PDE9A: variants seen among roughly 807,000 people sequenced by gnomAD.
The protein encoded by PDE9A is high affinity cGMP-specific 3',5'-cyclic phosphodiesterase 9A.
Under a neutral mutation model 87.4 loss-of-function variants are expected in PDE9A, and 60 were observed. The observed-to-expected ratio is 0.69, with a 90% confidence interval of 0.56 to 0.85. The LOEUF is 0.85. PDE9A is among the 40% of genes least tolerant of loss of function. The pLI is 0.00. For missense variants in PDE9A, 665 were observed against 779.0 expected, an observed-to-expected ratio of 0.85 and a Z score of 1.74; for synonymous variants, 272 against 279.4, an observed-to-expected ratio of 0.97 and a Z score of 0.27.
intron 10 of PDE9A, among the ~76,000 whole-genome samples, chr21:42,754,891 A>G (rs2054862880): frequency 6.6e-6 from 1 of 152,140 alleles, no homozygotes; most frequent in Non-Finnish European, 1.5e-5. Flanking sequence ...TTTATAAGTT[A>G]CCCAGTCTCA....
Position 42,675,344 on chromosome 21 carries a change from C to T in PDE9A, c.70-10848C>T, listed in dbSNP as rs992732444. Among the ~76,000 whole-genome samples the T allele has an allele frequency of 1.3e-5, 2 of 152,198 alleles. No homozygotes were observed. Among genetic ancestry groups the T allele is most frequent in the East Asian group, 1.9e-4 (1 of 5,194 alleles). ...CTGCAGTGAATAATCCAGAGGAACA[C>T]GCTCAGTGTGCATCTTTGCTTGCAG... On this transcript the variant is annotated intron_variant, in intron 1 of 19. Transcript: ENST00000291539. This position sits in a 1 kb window ranked among gnomAD's most constrained non-coding sequence, Gnocchi z 4.3.
At chr21:42,684,925 T>A (rs1233502530) in intron 1 of PDE9A, among the ~76,000 whole-genome samples, 1 of 140,812 alleles carries the variant, frequency 7.1e-6, no homozygotes, top group East Asian at 2.1e-4. Context: ...AAAAAAAAAA[T>A]CTGTTTTCTA....
intron 8 of PDE9A, among the ~76,000 whole-genome samples, chr21:42,749,003 C>T (rs538376062): frequency 1.8e-3 from 280 of 152,322 alleles, no homozygotes; most frequent in African/African-American, 5.6e-3. Flanking sequence ...TGCGGAGGCA[C>T]TGTGCTGGTT....
chr21:42,762,180 G>T lies in PDE9A; in HGVS notation c.1183G>T (p.Glu395Ter). The T allele has an allele frequency of 6.2e-7, 1 of 1,614,138 alleles. No homozygotes were observed. The highest frequency in any genetic ancestry group is 8.5e-7 in the Non-Finnish European group (1 of 1,180,018). Residue 395 changes from glutamate to a stop codon, truncating the protein, a stop_gained, in exon 14 of 20, where the codon GAG (glutamate) becomes TAG (stop). Coordinates refer to ENST00000291539, the MANE Select transcript of PDE9A (RefSeq NM_002606.3). LOFTEE classifies it high-confidence loss of function. The part of the protein sequence containing the change: ...HCAVAFQILA[E>*]PECNIFSNIP... ...CGCCGTGGCCTTCCAGATCCTCGCC[G>T]AGCCTGAGTGCAACATCTTCTCCAA...
intron 14 of PDE9A, among the ~76,000 whole-genome samples, chr21:42,763,745 T>G (rs920150824): frequency 1.3e-5 from 2 of 152,218 alleles, no homozygotes; most frequent in African/African-American, 4.8e-5. Context: ...CAAGAAAGAC[T>G]GCCTGGACTT....
intron 4 of PDE9A, among the ~76,000 whole-genome samples, chr21:42,727,269 A>G (rs1459334381): frequency 6.6e-6 from 1 of 152,004 alleles, no homozygotes; most frequent in Non-Finnish European, 1.5e-5. Context: ...CAACTTCTGC[A>G]TATGTTTTGT....
chr21:42,729,903 T>C (rs1393879542), intron 4 of PDE9A, among the ~76,000 whole-genome samples: 1 of 152,198 alleles, frequency 6.6e-6, no homozygotes, highest in East Asian at 1.9e-4. Flanking sequence ...TTGGGTGAGA[T>C]TTCCTGTATA....
intron 4 of PDE9A, among the ~76,000 whole-genome samples, chr21:42,711,450 A>T (rs990957725): frequency 1.3e-5 from 2 of 151,708 alleles, no homozygotes; most frequent in Admixed American, 6.6e-5. Context: ...ATGGGGTTTC[A>T]CCATGTTGGC....
intron 3 of PDE9A, 56 bp downstream of exon 3, chr21:42,688,050 TG>T (rs2059576787): frequency 1.5e-6 from 2 of 1,362,450 alleles, no homozygotes; most frequent in Admixed American, 3.4e-5. Flanking sequence ...CTCCATGACA[TG>T]GGAGGCTTTC....
rs73905735 is a variant in PDE9A at position 42,674,046 on chromosome 21, G to A, written c.70-12146G>A. The stretch of plus-strand genomic sequence containing the variant: ...TTAGAGCAGATGTACATATAGAAAC[G>A]AAGAAACGAAATCTGAATCCATGCT... On this transcript the variant is annotated intron_variant, in intron 1 of 19. Transcript: ENST00000291539. 4.1e-3 allele frequency among the ~76,000 whole-genome samples: 622 copies of A among 152,328 alleles called. 6 individuals carry two copies. Among genetic ancestry groups the A allele is most frequent in the African/African-American group, 0.014 (580 of 41,580 alleles).
chr21:42,678,446 C>A (rs2058973775), intron 1 of PDE9A, among the ~76,000 whole-genome samples: 1 of 152,146 alleles, frequency 6.6e-6, no homozygotes, highest in Non-Finnish European at 1.5e-5. Context: ...AGCCTCAATG[C>A]CCTTCTGAGA....
chr21:42,758,817 A>C, intron 10 of PDE9A, 182 bp from the exon 11 acceptor site: 1 of 567,200 alleles, frequency 1.8e-6, no homozygotes, highest in Non-Finnish European at 3.2e-6. Flanking sequence ...GGCTGGTCTG[A>C]AGACCTCTCT....
At chr21:42,697,936 T>G (rs568985141) in intron 3 of PDE9A, among the ~76,000 whole-genome samples, 96 of 152,356 alleles carry the variant, frequency 6.3e-4, no homozygotes, top group Middle Eastern at 3.4e-3. Context: ...ATGCACAGAC[T>G]GACCCATCCA....
At chr21:42,657,275 G>C (rs1386983823) in intron 1 of PDE9A, among the ~76,000 whole-genome samples, 5 of 152,202 alleles carry the variant, frequency 3.3e-5, no homozygotes, top group Non-Finnish European at 7.4e-5. Flanking sequence ...GGCTTGCCAG[G>C]GTGCACAGAT....
rs562665738 is a variant in PDE9A, at chr21:42,765,972, C to G, written c.1356+478C>G. Among the ~76,000 whole-genome samples the G allele has an allele frequency of 3.8e-3, 586 of 152,284 alleles. 5 individuals are homozygous for G. The highest frequency in any genetic ancestry group is 0.012 in the African/African-American group (489 of 41,562). On this transcript the variant is annotated intron_variant, in intron 15 of 19. Transcript: ENST00000291539. The stretch of plus-strand genomic sequence containing the variant: ...CCAGAGAAGGGGTAGGGGGCCTCCC[C>G]CATGAGAAGGTGCACTTAGGTTGCC...
At chr21:42,720,426 G>A (rs995904016) in intron 4 of PDE9A, among the ~76,000 whole-genome samples, 4 of 152,002 alleles carry the variant, frequency 2.6e-5, no homozygotes, top group Non-Finnish European at 5.9e-5. Flanking sequence ...CCTGGGAGGC[G>A]GAGGTTGCGG....
intron 1 of PDE9A, among the ~76,000 whole-genome samples, chr21:42,682,318 G>A (rs1054612576): frequency 1.3e-5 from 2 of 152,234 alleles, no homozygotes; most frequent in African/African-American, 4.8e-5. Flanking sequence ...GAGACAGCCA[G>A]TGCCAACTTT....
Position 42,659,955 on chromosome 21 carries a change from G to C in PDE9A, c.69+6072G>C, listed in dbSNP as rs184063217. Among the ~76,000 whole-genome samples, 2 of 152,208 alleles carry C rather than the reference G, an allele frequency of 1.3e-5. No individual in the cohort carries two copies. The highest frequency in any genetic ancestry group is 2.4e-5 in the African/African-American group (1 of 41,456). On this transcript the variant is annotated intron_variant, in intron 1 of 19. Transcript: ENST00000291539. This position sits in a 1 kb window ranked among gnomAD's most constrained non-coding sequence, Gnocchi z 4.1. ...ATGAGAGATGAAACGGGGACGAGCC[G>C]GGCAGCTGATCTCAGTGCAGCAACT...
At chr21:42,770,905 G>A in intron 18 of PDE9A, 107 bp downstream of exon 18, 1 of 783,204 alleles carries the variant, frequency 1.3e-6, no homozygotes. Flanking sequence ...CACCACTGAA[G>A]GCCCCGTGGA....
Sources: allele counts gnomAD v4.1 joint callset (sites outside exome capture counted in the v4.1 genomes callset), GRCh38; gene constraint gnomAD v4.1.1; non-coding constraint Gnocchi (gnomAD v3.1); transcripts MANE v1.5; gene names NCBI Gene and HGNC (gene_info 2026-07-23, HGNC 2026-07-21).